The following VPS35L variants were observed in gnomAD, a reference collection of about 807,000 sequenced individuals.
The protein encoded by VPS35L is VPS35 endosomal protein-sorting factor-like.
A neutral mutation model predicts 133.0 loss-of-function variants in VPS35L; 83 were observed. That is an observed-to-expected ratio of 0.62 (90% confidence interval 0.52 to 0.75). The LOEUF is 0.75. VPS35L is among the 30% of genes least tolerant of loss of function. The probability of loss-of-function intolerance (pLI) is 0.00; values close to 1 mark genes in which losing one functional copy is unlikely to be tolerated. For missense variants in VPS35L, 1,083 were observed against 1,206.8 expected, an observed-to-expected ratio of 0.90 and a Z score of 1.52; for synonymous variants, 423 against 449.9, an observed-to-expected ratio of 0.94 and a Z score of 0.76.
intron 9 of VPS35L, among the ~76,000 whole-genome samples, chr16:19,605,598 G>T (rs76323818): frequency 1.3e-5 from 2 of 152,252 alleles, no homozygotes; most frequent in Non-Finnish European, 2.9e-5. Flanking sequence ...CCTTGCACTT[G>T]CTGTTTTCTT....
At chr16:19,561,120 A>G (rs189672518) in intron 1 of VPS35L, among the ~76,000 whole-genome samples, 3 of 152,320 alleles carry the variant, frequency 2.0e-5, no homozygotes, top group African/African-American at 7.2e-5. Context: ...CTGTAATCCC[A>G]GCACTTTGGG....
intron 26 of VPS35L, among the ~76,000 whole-genome samples, chr16:19,664,898 TAAAA>T (rs796465463): frequency 1.6e-5 from 2 of 123,824 alleles, no homozygotes. Context: ...AGAGTTCATC[TAAAA>T]AAAAAAAAAA....
intron 26 of VPS35L, among the ~76,000 whole-genome samples, chr16:19,653,344 T>G (rs1567458290): frequency 6.6e-6 from 1 of 152,208 alleles, no homozygotes; most frequent in Admixed American, 6.5e-5. Context: ...AAAGAAATCT[T>G]TACGCGACAT....
At chr16:19,697,058 C>T (rs1597449163) in intron 29 of VPS35L, among the ~76,000 whole-genome samples, 2 of 152,226 alleles carry the variant, frequency 1.3e-5, no homozygotes, top group Admixed American at 1.3e-4. Context: ...GAAGGCAGAG[C>T]AGGTGGTCGC....
chr16:19,605,796 G>A (rs905044096), intron 9 of VPS35L, among the ~76,000 whole-genome samples: 1 of 152,088 alleles, frequency 6.6e-6, no homozygotes, highest in African/African-American at 2.4e-5. Flanking sequence ...AGTACTTACT[G>A]CTGTTAGATA....
intron 14 of VPS35L, among the ~76,000 whole-genome samples, chr16:19,619,831 G>A (rs1293575392): frequency 6.6e-6 from 1 of 152,180 alleles, no homozygotes; most frequent in African/African-American, 2.4e-5. Context: ...ATTGATGTCG[G>A]TATGGAAGGT....
chr16:19,654,144 G>T (rs1204512304), intron 26 of VPS35L, among the ~76,000 whole-genome samples: 4 of 151,342 alleles, frequency 2.6e-5, no homozygotes, highest in Admixed American at 6.6e-5. Context: ...TATTTTTTTT[G>T]AATTACAAGG....
intron 4 of VPS35L, among the ~76,000 whole-genome samples, chr16:19,573,893 A>G (rs1384892840): frequency 6.6e-6 from 1 of 152,198 alleles, no homozygotes; most frequent in Non-Finnish European, 1.5e-5. Flanking sequence ...GGTGTCACTC[A>G]GTAAGTCCCA....
Position 19,685,004 on chromosome 16 carries a change from A to G in VPS35L, c.2527+2614A>G, listed in dbSNP as rs112934009. On this transcript the variant is annotated intron_variant, in intron 28 of 30. Transcript: ENST00000417362. ...GCTCAGGAGGCTGCAGTGAGCCAAG[A>G]TCACACCACTGAACTCCAGCCTGGG... Among the ~76,000 whole-genome samples, 1,372 of 151,928 alleles carry G rather than the reference A, an allele frequency of 9.0e-3. 16 individuals carry two copies. Among genetic ancestry groups the G allele is most frequent in the African/African-American group, 0.031 (1,294 of 41,416 alleles).
chr16:19,666,166 G>A (rs190930019), intron 26 of VPS35L, among the ~76,000 whole-genome samples: 13 of 151,990 alleles, frequency 8.6e-5, no homozygotes, highest in East Asian at 1.9e-4. Context: ...TTTGCTGTGC[G>A]GAGCTTTTTA....
intron 29 of VPS35L, chr16:19,694,574 C>A (rs1975835411): frequency 6.6e-6 from 1 of 152,090 alleles, no homozygotes; most frequent in African/African-American, 2.4e-5. Context: ...ACTGCAGCTT[C>A]AACCTCCTGG....
At chr16:19,684,662 A>G (rs941186669) in intron 28 of VPS35L, among the ~76,000 whole-genome samples, 1 of 152,218 alleles carries the variant, frequency 6.6e-6, no homozygotes, top group Non-Finnish European at 1.5e-5. Flanking sequence ...AGATCCAGAA[A>G]GACAATGTGA....
chr16:19,686,780 T>C (rs763374876), intron 28 of VPS35L, among the ~76,000 whole-genome samples: 5 of 151,932 alleles, frequency 3.3e-5, no homozygotes, highest in Non-Finnish European at 7.4e-5. Context: ...GAAAATAAAT[T>C]CCTCCCTTCT....
At position 19,628,673 on chromosome 16, in the gene VPS35L, T is replaced by C; in HGVS notation, c.1420T>C (p.Leu474=). ...TCGATCACTGGGATTAAACTTGGCC[T>C]TGGCTGATCCTCCTGAGAGTGACCG... is the stretch of plus-strand genomic sequence containing the variant. ...LFRSLGLNLA[L]ADPPESDRLQ... is the part of the protein sequence containing the mutation. The change falls in exon 17 of 31, where the codon TTG becomes CTG. Residue 474 remains leucine, a synonymous_variant. Coordinates refer to ENST00000417362, the MANE Select transcript of VPS35L (RefSeq NM_020314.7). 6.2e-7 allele frequency: 1 copy of C among 1,603,962 alleles called. No homozygotes were observed. Among genetic ancestry groups the C allele is most frequent in the Non-Finnish European group, 8.5e-7 (1 of 1,173,354 alleles).
intron 28 of VPS35L, among the ~76,000 whole-genome samples, chr16:19,683,461 C>A (rs1975356873): frequency 6.6e-6 from 1 of 152,200 alleles, no homozygotes; most frequent in Non-Finnish European, 1.5e-5. Flanking sequence ...TTCCTCCCCA[C>A]TCTAGTGGTC....
In VPS35L at chr16:19,685,700, G is replaced by C. The variant is rs115299632; in HGVS notation, c.2527+3310G>C. Reference sequence around the variant, plus strand: ...GCTATGGTCATTCTTTTTCATGTCAGCTGTTCTAGGAGTGGAGTTTGCATT... The same window carrying C: ...GCTATGGTCATTCTTTTTCATGTCACCTGTTCTAGGAGTGGAGTTTGCATT... On this transcript the variant is annotated intron_variant, in intron 28 of 30. Coordinates refer to ENST00000417362, the MANE Select transcript of VPS35L (RefSeq NM_020314.7). 2.9e-3 allele frequency among the ~76,000 whole-genome samples: 441 copies of C among 152,286 alleles called. 5 individuals are homozygous for C. The highest frequency in any genetic ancestry group is 0.01 in the African/African-American group (426 of 41,560).
intron 27 of VPS35L, among the ~76,000 whole-genome samples, chr16:19,673,907 C>A (rs1389260369): frequency 2.0e-5 from 3 of 152,154 alleles, no homozygotes; most frequent in Admixed American, 6.6e-5. Flanking sequence ...TATTCCAGAG[C>A]CTGTCCTGCA....
At chr16:19,582,462 A>C (rs1363416079) in intron 7 of VPS35L, among the ~76,000 whole-genome samples, 1 of 152,192 alleles carries the variant, frequency 6.6e-6, no homozygotes, top group Non-Finnish European at 1.5e-5. Flanking sequence ...CACTGGACAC[A>C]TGAAGTCTTT....
intron 26 of VPS35L, among the ~76,000 whole-genome samples, chr16:19,653,056 GTGT>G (rs763092647): frequency 2.0e-5 from 3 of 152,216 alleles, no homozygotes; most frequent in Non-Finnish European, 4.4e-5. Flanking sequence ...CATCTGGGAG[GTGT>G]TGTCAGACAG....
Sources: allele counts gnomAD v4.1 joint callset (sites outside exome capture counted in the v4.1 genomes callset), GRCh38; gene constraint gnomAD v4.1.1; transcripts MANE v1.5; gene names NCBI Gene and HGNC (gene_info 2026-07-23, HGNC 2026-07-21).